The following GRIP1 variants were observed in gnomAD, a reference collection of about 807,000 sequenced individuals.
GRIP1 encodes glutamate receptor interacting protein 1.
A neutral mutation model predicts 129.9 loss-of-function variants in GRIP1; 45 were observed. That is an observed-to-expected ratio of 0.35 (90% CI 0.27 to 0.44). The LOEUF is 0.44. Among genes scored for constraint, GRIP1 ranks in the 20% least tolerant of loss-of-function variants. The pLI is 1.00. For synonymous variants in GRIP1, 530 were observed against 520.8 expected (o/e 1.02, Z -0.24); for missense variants, 1,196 against 1,396.8 (o/e 0.86, Z 2.29).
intron 1 of GRIP1, among the ~76,000 whole-genome samples, chr12:67,016,306 A>G (rs1236211223): frequency 6.6e-6 from 1 of 152,166 alleles, no homozygotes; most frequent in African/African-American, 2.4e-5. Context: ...GACAACAGAT[A>G]GACAGACAAC....
intron 2 of GRIP1, among the ~76,000 whole-genome samples, chr12:66,545,843 T>C (rs568930666): frequency 2.6e-5 from 4 of 152,282 alleles, no homozygotes; most frequent in East Asian, 1.9e-4. Flanking sequence ...TGAAATATCA[T>C]ATATAATTGT....
chr12:66,768,452 G>A (rs1204211404), intron 1 of GRIP1, among the ~76,000 whole-genome samples: 2 of 152,178 alleles, frequency 1.3e-5, no homozygotes, highest in African/African-American at 4.8e-5. Flanking sequence ...TGGCAATAAA[G>A]ACTAGAATTG....
At chr12:66,640,712 A>G (rs1328491068) in intron 1 of GRIP1, among the ~76,000 whole-genome samples, 5 of 152,200 alleles carry the variant, frequency 3.3e-5, no homozygotes, top group Non-Finnish European at 7.3e-5. Context: ...GCATAAAAAA[A>G]CTAAGAGAGA....
intron 15 of GRIP1, among the ~76,000 whole-genome samples, chr12:66,406,966 C>T (rs2057213686): frequency 6.6e-6 from 1 of 152,048 alleles, no homozygotes. Flanking sequence ...AAAGTGGCCA[C>T]TGAGACTCTA....
At chr12:66,992,712 A>G (rs1352633841) in intron 1 of GRIP1, among the ~76,000 whole-genome samples, 1 of 152,246 alleles carries the variant, frequency 6.6e-6, no homozygotes, top group Non-Finnish European at 1.5e-5. Flanking sequence ...TATACAAAGC[A>G]TATTTTCTGA....
intron 2 of GRIP1, among the ~76,000 whole-genome samples, chr12:66,544,926 A>G (rs2061902229): frequency 6.6e-6 from 1 of 152,188 alleles, no homozygotes; most frequent in Admixed American, 6.6e-5. Flanking sequence ...TCACTTATAT[A>G]TCAAGGCTTA....
At chr12:66,741,467 G>A (rs1452250926) in intron 1 of GRIP1, among the ~76,000 whole-genome samples, 5 of 152,198 alleles carry the variant, frequency 3.3e-5, no homozygotes, top group Admixed American at 6.6e-5. Flanking sequence ...ACTTGTCGCA[G>A]AGATAAAAGA....
At chr12:67,065,261 C>T (rs2043605460) in intron 1 of GRIP1, 1 of 152,104 alleles carries the variant, frequency 6.6e-6, no homozygotes, top group African/African-American at 2.4e-5. Flanking sequence ...ATCTCTTGAG[C>T]CCAGGAGGTA....
At chr12:66,524,078 T>C (rs2061128665) in intron 5 of GRIP1, among the ~76,000 whole-genome samples, 1 of 152,110 alleles carries the variant, frequency 6.6e-6, no homozygotes, top group Admixed American at 6.5e-5. Context: ...ACAATAATAA[T>C]GGGAGACTTA....
chr12:66,716,651 C>T (rs2035899056), intron 1 of GRIP1, among the ~76,000 whole-genome samples: 1 of 151,802 alleles, frequency 6.6e-6, no homozygotes, highest in Admixed American at 6.6e-5. Context: ...CATTTGGGCC[C>T]CAATAGACTG....
intron 1 of GRIP1, among the ~76,000 whole-genome samples, chr12:66,698,959 A>G (rs979775119): frequency 4.6e-5 from 7 of 152,156 alleles, no homozygotes; most frequent in Non-Finnish European, 1.0e-4. Flanking sequence ...GCTTAAGTGA[A>G]GTTCTCAGTC....
intron 1 of GRIP1, among the ~76,000 whole-genome samples, chr12:66,849,905 C>A (rs1469394623): frequency 6.6e-6 from 1 of 152,172 alleles, no homozygotes; most frequent in Admixed American, 6.6e-5. Context: ...GAGCCCAGTT[C>A]AATTTCTGGC....
chr12:66,617,972 C>T (rs73127132), intron 1 of GRIP1, among the ~76,000 whole-genome samples: 12,976 of 151,520 alleles, frequency 0.086, 805 homozygotes, highest in Middle Eastern at 0.14. Flanking sequence ...TATTTATCAA[C>T]ATTATACATG....
chr12:66,715,252 C>T (rs1465733720), intron 1 of GRIP1, among the ~76,000 whole-genome samples: 1 of 151,984 alleles, frequency 6.6e-6, no homozygotes, highest in Non-Finnish European at 1.5e-5. Context: ...GGCCCTGCCC[C>T]CTTGGACAGT....
At chr12:66,887,431 G>A (rs960420751) in intron 1 of GRIP1, among the ~76,000 whole-genome samples, 1 of 152,200 alleles carries the variant, frequency 6.6e-6, no homozygotes, top group Admixed American at 6.5e-5. Flanking sequence ...AGGATTGAAT[G>A]AGTGTCTGCC....
At chr12:66,487,052 A>C (rs2059975338) in intron 7 of GRIP1, among the ~76,000 whole-genome samples, 2 of 152,136 alleles carry the variant, frequency 1.3e-5, no homozygotes, top group Non-Finnish European at 2.9e-5. Flanking sequence ...CAGCCTCCCA[A>C]AGTGCTGGGA....
At chr12:66,903,966 G>A (rs909605226) in intron 1 of GRIP1, among the ~76,000 whole-genome samples, 8 of 152,194 alleles carry the variant, frequency 5.3e-5, no homozygotes, top group African/African-American at 1.9e-4. Context: ...ACACAGCAGT[G>A]CAGTGTTTCT....
chr12:66,859,684 C>T (rs12579652), intron 1 of GRIP1, among the ~76,000 whole-genome samples: 25,075 of 151,890 alleles, frequency 0.17, 2,307 homozygotes, highest in East Asian at 0.42. Context: ...TAGGTAATTA[C>T]AACTATATTA....
chr12:66,521,516 T>C (rs1439176029), intron 5 of GRIP1, among the ~76,000 whole-genome samples: 1 of 152,066 alleles, frequency 6.6e-6, no homozygotes, highest in African/African-American at 2.4e-5. Context: ...GTTAAAACAT[T>C]CCTGGTGGAG....
Sources: allele counts gnomAD v4.1 joint callset (sites outside exome capture counted in the v4.1 genomes callset), GRCh38; gene constraint gnomAD v4.1.1; transcripts MANE v1.5; gene names NCBI Gene and HGNC (gene_info 2026-07-23, HGNC 2026-07-21).